TGFA: variants seen among roughly 807,000 people sequenced by gnomAD.
TGFA encodes protransforming growth factor alpha.
TGFA carries 12 observed loss-of-function variants against 21.7 expected under a neutral mutation model. The observed-to-expected ratio is 0.55, with a 90% CI of 0.35 to 0.90. The LOEUF is 0.90. TGFA is among the 40% of genes least tolerant of loss of function. The pLI is 0.01. For missense variants in TGFA, 178 were observed against 210.8 expected (o/e 0.84, Z 0.96); for synonymous variants, 79 against 88.1 (o/e 0.90, Z 0.58).
chr2:70,530,590 T>A (rs782700512), intron 1 of TGFA, among the ~76,000 whole-genome samples: 5 of 142,092 alleles, frequency 3.5e-5, no homozygotes, highest in Non-Finnish European at 7.4e-5. Flanking sequence ...AGGCGGCCCA[T>A]GGGCCACAGG....
In TGFA at chr2:70,453,473, G is replaced by A. The variant is rs190572527; in HGVS notation, c.366-146C>T. 5.8e-5 allele frequency: 36 copies of A among 623,556 alleles called. No individual in the cohort carries two copies. In the East Asian group the frequency reaches 8.8e-4, roughly 15 times the overall value. The allele number at this position is 623,556 out of a possible 1,614,324, so 38.6% of individuals were successfully genotyped here. A position where few individuals can be genotyped will look rare whatever the true frequency, so the allele number is the denominator to read the frequency against. ...CCCATGGGGGCTTCTAGAGGGACAG[G>A]CACCATAGGGGGCTGAGGGCATTGT... On this transcript the variant is annotated intron_variant, in intron 4 of 5. Transcript: ENST00000295400.
intron 2 of TGFA, among the ~76,000 whole-genome samples, chr2:70,467,923 G>A (rs1559104036): frequency 6.6e-6 from 1 of 152,178 alleles, no homozygotes; most frequent in South Asian, 2.1e-4. Flanking sequence ...GCAGTCAGAG[G>A]CACGGGTTTG....
chr2:70,504,410 A>C (rs1022421758), intron 2 of TGFA, among the ~76,000 whole-genome samples: 2 of 142,862 alleles, frequency 1.4e-5, no homozygotes, highest in African/African-American at 5.1e-5. Flanking sequence ...ACTCTGTACC[A>C]AAACCAAAAA....
chr2:70,461,359 G>A (rs1319935098), intron 3 of TGFA, among the ~76,000 whole-genome samples: 1 of 152,090 alleles, frequency 6.6e-6, no homozygotes, highest in Non-Finnish European at 1.5e-5. Context: ...CAAGAAAACT[G>A]CCCCCAATCC....
intron 1 of TGFA, among the ~76,000 whole-genome samples, chr2:70,534,446 C>T (rs1672913032): frequency 6.6e-6 from 1 of 152,194 alleles, no homozygotes; most frequent in African/African-American, 2.4e-5. Flanking sequence ...GGGGCTGTGG[C>T]TCAATGTGCC....
chr2:70,553,389 C>T, intron 1 of TGFA: 2 of 1,452,694 alleles, frequency 1.4e-6, no homozygotes, highest in South Asian at 1.4e-5. Flanking sequence ...TTGGAGGCAG[C>T]CAGGTAAGCA....
intron 1 of TGFA, among the ~76,000 whole-genome samples, chr2:70,515,905 TA>T (rs1553501538): frequency 1.3e-5 from 2 of 152,214 alleles, no homozygotes; most frequent in Admixed American, 6.5e-5. Context: ...AATTTAAAGA[TA>T]AAACTACAAG....
At chr2:70,553,403 A>T (rs1368881760) in intron 1 of TGFA, 19 of 1,443,238 alleles carry the variant, frequency 1.3e-5, no homozygotes, top group Non-Finnish European at 1.7e-5. Context: ...GTAAGCAGGT[A>T]GGTGTAGGCA....
At chr2:70,486,914 C>T (rs1223250452) in intron 2 of TGFA, among the ~76,000 whole-genome samples, 2 of 152,178 alleles carry the variant, frequency 1.3e-5, no homozygotes, top group Non-Finnish European at 2.9e-5. Context: ...CAGAAGCCCG[C>T]CACCACACCC....
chr2:70,468,986 G>A (rs1250722987), intron 2 of TGFA, among the ~76,000 whole-genome samples: 1 of 152,118 alleles, frequency 6.6e-6, no homozygotes, highest in Non-Finnish European at 1.5e-5. Flanking sequence ...AAAAGGTTGG[G>A]GGCTGCTGGG....
chr2:70,503,412 C>T (rs558818881), intron 2 of TGFA, among the ~76,000 whole-genome samples: 21 of 93,442 alleles, frequency 2.2e-4, no homozygotes, highest in African/African-American at 8.5e-4. Context: ...CATCACACAC[C>T]GGGGCCTGTT....
intron 2 of TGFA, among the ~76,000 whole-genome samples, chr2:70,509,731 G>A (rs1211133833): frequency 6.6e-6 from 1 of 152,164 alleles, no homozygotes; most frequent in Non-Finnish European, 1.5e-5. Flanking sequence ...GTTCCCGGGC[G>A]CCTGAGTAAT....
At chr2:70,472,278 T>C (rs1438661279) in intron 2 of TGFA, among the ~76,000 whole-genome samples, 1 of 152,182 alleles carries the variant, frequency 6.6e-6, no homozygotes, top group African/African-American at 2.4e-5. Flanking sequence ...TGAGTAGCAC[T>C]TGGGGCTGAC....
chr2:70,527,201 ATAT>A (rs2103891705), intron 1 of TGFA, among the ~76,000 whole-genome samples: 1 of 152,386 alleles, frequency 6.6e-6, no homozygotes, highest in South Asian at 2.1e-4. Context: ...AGCAACCAAA[ATAT>A]TCTTCAGTAG....
intron 1 of TGFA, among the ~76,000 whole-genome samples, chr2:70,550,980 G>A (rs1376329817): frequency 6.6e-6 from 1 of 152,168 alleles, no homozygotes; most frequent in Non-Finnish European, 1.5e-5. Context: ...GCATGGAGAT[G>A]AGATAAACGA....
chr2:70,475,104 T>C (rs1166275186), intron 2 of TGFA, among the ~76,000 whole-genome samples: 2 of 152,104 alleles, frequency 1.3e-5, no homozygotes, highest in Admixed American at 1.3e-4. Context: ...ACCTTTTCAT[T>C]TTCCAACAGG....
At chr2:70,525,503 A>G (rs1251937845) in intron 1 of TGFA, among the ~76,000 whole-genome samples, 10 of 152,226 alleles carry the variant, frequency 6.6e-5, no homozygotes, top group Non-Finnish European at 1.5e-4. Flanking sequence ...ACAGGTTTTC[A>G]AGAGTTAAGG....
At chr2:70,490,642 T>C (rs1164926032) in intron 2 of TGFA, among the ~76,000 whole-genome samples, 2 of 152,182 alleles carry the variant, frequency 1.3e-5, no homozygotes, top group African/African-American at 4.8e-5. Context: ...AAAACACAAA[T>C]GTCTTTCAGC....
At chr2:70,470,787 C>T (rs941555820) in intron 2 of TGFA, among the ~76,000 whole-genome samples, 5 of 151,998 alleles carry the variant, frequency 3.3e-5, no homozygotes, top group African/African-American at 9.7e-5. Context: ...CTGCCTCAGC[C>T]CAAAGGGCAG....
Sources: gnomAD v4.1 joint callset for allele counts (sites outside exome capture counted in the v4.1 genomes callset) on GRCh38, gnomAD v4.1.1 for gene constraint, MANE v1.5 for transcripts, NCBI Gene and HGNC (gene_info 2026-07-23, HGNC 2026-07-21) for gene names.